The following OTUD7A variants were observed in gnomAD, a reference collection of about 807,000 sequenced individuals.
The protein encoded by OTUD7A is OTU domain-containing protein 7A.
In OTUD7A, 12 loss-of-function variants were observed where a neutral mutation model predicts 65.7. The ratio of observed to expected loss-of-function variants is 0.18; its 90% CI spans 0.12 to 0.30. The LOEUF (loss-of-function observed/expected upper bound fraction) is 0.30. Among genes scored for constraint, OTUD7A ranks in the 10% least tolerant of loss-of-function variants. The probability of loss-of-function intolerance (pLI) is 1.00; values close to 1 mark genes in which losing one functional copy is unlikely to be tolerated. For missense variants in OTUD7A, 1,148 were observed against 1,304.8 expected (o/e 0.88, Z 1.85); for synonymous variants, 641 against 586.3 (o/e 1.09, Z -1.35).
intron 8 of OTUD7A, among the ~76,000 whole-genome samples, chr15:31,521,219 T>G (rs2041933142): frequency 6.6e-6 from 1 of 152,174 alleles, no homozygotes; most frequent in Admixed American, 6.5e-5. Context: ...TTTACCACAA[T>G]GCAATATTTG....
At chr15:31,657,442 C>T (rs945024138) in intron 1 of OTUD7A, among the ~76,000 whole-genome samples, 3 of 151,894 alleles carry the variant, frequency 2.0e-5, no homozygotes, top group Non-Finnish European at 2.9e-5. Context: ...CTGGAAGCTC[C>T]GCCTCCCGGG....
intron 10 of OTUD7A, among the ~76,000 whole-genome samples, chr15:31,488,946 G>C (rs987408299): frequency 6.6e-6 from 1 of 152,214 alleles, no homozygotes; most frequent in African/African-American, 2.4e-5. Context: ...TGATTTGAGA[G>C]GTCAGGGGTG....
At chr15:31,761,386 G>C (rs895234404) in intron 1 of OTUD7A, among the ~76,000 whole-genome samples, 6 of 151,974 alleles carry the variant, frequency 3.9e-5, no homozygotes, top group African/African-American at 1.4e-4. Flanking sequence ...TTTCTCAAAA[G>C]AATACATAAA....
Position 31,501,992 on chromosome 15 carries a change from G to T in OTUD7A, c.1022-153C>A, listed in dbSNP as rs534483433. Among the ~76,000 whole-genome samples the T allele has an allele frequency of 2.6e-5, 4 of 152,296 alleles. No individual in the cohort carries two copies. In the South Asian group the frequency reaches 8.3e-4, roughly 32 times the overall value. ...GATGGAGGCGGTGCTGAGGGATGGGGCTGAGGGTTTCCAGAGTCATCTGTC... is the reference window on the plus strand; with the variant it reads ...GATGGAGGCGGTGCTGAGGGATGGGTCTGAGGGTTTCCAGAGTCATCTGTC... On this transcript the variant is annotated intron_variant, in intron 9 of 12. Coordinates refer to ENST00000307050, the MANE Select transcript of OTUD7A (RefSeq NM_001382637.1).
chr15:31,619,105 G>A (rs538908628), intron 3 of OTUD7A, among the ~76,000 whole-genome samples: 89 of 152,276 alleles, frequency 5.8e-4, no homozygotes, highest in Non-Finnish European at 1.1e-3. Context: ...TATTATTTCT[G>A]AGGGCTCTGT....
At chr15:31,586,342 C>G (rs1472629340) in intron 3 of OTUD7A, among the ~76,000 whole-genome samples, 1 of 152,226 alleles carries the variant, frequency 6.6e-6, no homozygotes, top group Non-Finnish European at 1.5e-5. Flanking sequence ...GCTCACATAC[C>G]TATCAATTTA....
In OTUD7A at chr15:31,530,886, AC is replaced by A. The variant is rs2042076879; in HGVS notation, c.551-79del. ...GGGGGTGTTTGCTAAGGAGGCATAA[AC>A]ATCAGGGACAGATTTTCTACAGGTT... On this transcript the variant is annotated intron_variant, in intron 5 of 12. Transcript: ENST00000307050. The A allele has an allele frequency of 8.2e-6, 9 of 1,099,916 alleles. No homozygotes were observed. In the African/African-American group the frequency reaches 1.1e-4, roughly 13 times the overall value. 68.1% of individuals were successfully genotyped at this position (1,099,916 alleles called of 1,614,324 possible). A position where few individuals can be genotyped will look rare whatever the true frequency, so the allele number is the denominator to read the frequency against.
At chr15:31,831,800 G>A (rs1179466830) in intron 1 of OTUD7A, among the ~76,000 whole-genome samples, 2 of 152,272 alleles carry the variant, frequency 1.3e-5, no homozygotes, top group Non-Finnish European at 2.9e-5. Flanking sequence ...AATGCAGACA[G>A]TGACGAAAAG....
intron 3 of OTUD7A, among the ~76,000 whole-genome samples, chr15:31,612,945 G>A (rs1025698641): frequency 1.3e-5 from 2 of 152,082 alleles, no homozygotes; most frequent in Admixed American, 6.6e-5. Context: ...ACAAAAGTAG[G>A]CACATAGACC....
intron 1 of OTUD7A, among the ~76,000 whole-genome samples, chr15:31,658,356 G>A (rs917261834): frequency 2.6e-5 from 4 of 152,280 alleles, no homozygotes; most frequent in Admixed American, 1.3e-4. Context: ...CTGAAGGCAG[G>A]AATAAGGGGC....
intron 4 of OTUD7A, among the ~76,000 whole-genome samples, chr15:31,563,708 G>A (rs1342375700): frequency 1.3e-5 from 2 of 152,220 alleles, no homozygotes; most frequent in African/African-American, 4.8e-5. Context: ...TGGGGAGCTT[G>A]GCGGTTACAC....
At chr15:31,862,494 C>G (rs142571874) in intron 1 of OTUD7A, among the ~76,000 whole-genome samples, 1 of 152,146 alleles carries the variant, frequency 6.6e-6, no homozygotes, top group African/African-American at 2.4e-5. Context: ...GCTGGTGAGG[C>G]CTCAGAATCA....
intron 4 of OTUD7A, among the ~76,000 whole-genome samples, chr15:31,569,198 T>C (rs966574701): frequency 6.6e-6 from 1 of 152,194 alleles, no homozygotes; most frequent in Non-Finnish European, 1.5e-5. Context: ...TGCAAACCCA[T>C]AGAAACAAAA....
At chr15:31,755,721 CA>C (rs371440352) in intron 1 of OTUD7A, among the ~76,000 whole-genome samples, 22,110 of 124,404 alleles carry the variant, frequency 0.18, 2,050 homozygotes, top group South Asian at 0.4. Context: ...GACTCTGTCT[CA>C]AAAAAAAAAA....
chr15:31,721,969 C>T (rs1339706833), intron 1 of OTUD7A, among the ~76,000 whole-genome samples: 2 of 152,220 alleles, frequency 1.3e-5, no homozygotes, highest in Admixed American at 1.3e-4. Context: ...CTGCTGCCTG[C>T]CTGCCTGAGG....
At chr15:31,794,127 AT>A (rs894823753) in intron 1 of OTUD7A, among the ~76,000 whole-genome samples, 2 of 152,024 alleles carry the variant, frequency 1.3e-5, no homozygotes, top group African/African-American at 4.8e-5. Flanking sequence ...CTCTAGGTTC[AT>A]TTTTCTCTAT....
At chr15:31,612,865 G>A (rs936867593) in intron 3 of OTUD7A, among the ~76,000 whole-genome samples, 3 of 152,118 alleles carry the variant, frequency 2.0e-5, no homozygotes, top group African/African-American at 7.2e-5. Context: ...GAACAAATCT[G>A]GAGGCATCAC....
intron 10 of OTUD7A, among the ~76,000 whole-genome samples, chr15:31,496,491 G>A (rs2041386615): frequency 6.6e-6 from 1 of 152,078 alleles, no homozygotes; most frequent in Non-Finnish European, 1.5e-5. Context: ...CAATGTGCTG[G>A]GATTACAGGC....
chr15:31,486,897 A>G (rs962803521), intron 12 of OTUD7A, among the ~76,000 whole-genome samples: 1 of 152,186 alleles, frequency 6.6e-6, no homozygotes, highest in Non-Finnish European at 1.5e-5. Flanking sequence ...GGGGACAAAA[A>G]ATCCCTTTAC....
Sources: gnomAD v4.1 joint callset for allele counts (sites outside exome capture counted in the v4.1 genomes callset) on GRCh38, gnomAD v4.1.1 for gene constraint, MANE v1.5 for transcripts, NCBI Gene and HGNC (gene_info 2026-07-23, HGNC 2026-07-21) for gene names.